Variants in PER1 observed in about 807,000 individuals in gnomAD.
The protein encoded by PER1 is period circadian protein homolog 1.
A neutral mutation model predicts 125.9 loss-of-function variants in PER1; 87 were observed. That is an observed-to-expected ratio of 0.69 (90% CI 0.58 to 0.83). PER1 has a LOEUF of 0.83. Ranked by LOEUF, PER1 falls within the 40% of genes least tolerant of loss-of-function variation. The pLI is 0.00. For missense variants in PER1, 1,775 were observed against 1,722.8 expected (o/e 1.03, Z -0.54); for synonymous variants, 801 against 714.7 (o/e 1.12, Z -1.93).
rs747482707 is a variant in PER1 at position 8,142,638 on chromosome 17, G to A, written c.3259+11C>T. On this transcript the variant is annotated intron_variant, in intron 20 of 22. Coordinates refer to ENST00000317276, the MANE Select transcript of PER1 (RefSeq NM_002616.3). ...CCCTACCCTGGGAGATGCTGGAGGC[G>A]GGGTACTCACGAGTGATGCTGGCTG... 1.2e-5 allele frequency: 19 copies of A among 1,612,840 alleles called. No individual in the cohort carries two copies. Among genetic ancestry groups the A allele is most frequent in the Middle Eastern group, 1.6e-4 (1 of 6,080 alleles).
Position 8,141,882 on chromosome 17 carries a change from C to T in PER1, c.3523G>A (p.Glu1175Lys). 6.2e-7 allele frequency: 1 copy of T among 1,614,192 alleles called. No individual in the cohort carries two copies. The highest frequency in any genetic ancestry group is 8.5e-7 in the Non-Finnish European group (1 of 1,180,036). The change falls in exon 22 of 23, where the codon GAG becomes AAG. Residue 1175 changes from glutamate (E) to lysine (K), a missense_variant. Transcript: ENST00000317276. ...GCACCCAGTTCCCGCCGCTGGTCCT[C>T]AGAAAACCGAGGCTGCTGCTTCTGC... ...AMQKQQPRFS[E>K]DQRRELGAVH...
intron 22 of PER1, 148 bp downstream of exon 22, chr17:8,141,657 G>A (rs1206057468): frequency 1.9e-6 from 2 of 1,040,740 alleles, no homozygotes; most frequent in Non-Finnish European, 1.4e-6. Flanking sequence ...AATGATCCAA[G>A]GACATCAAGG....
intron 19 of PER1, 67 bp downstream of exon 19, chr17:8,143,199 G>T: frequency 8.8e-7 from 1 of 1,133,772 alleles, no homozygotes; most frequent in Non-Finnish European, 1.2e-6. Flanking sequence ...ACAGCAGGCA[G>T]CACAGGGTGG....
rs766746927 is a variant in PER1, at chr17:8,147,655, G to A, written c.1388+19C>T. ...ACTGCCCTATCCCCAACGCCAGCTC[G>A]GGGGCATGGCCCACTTACGTGCGTA... On this transcript the variant is annotated intron_variant, in intron 11 of 22. Coordinates refer to ENST00000317276, the MANE Select transcript of PER1 (RefSeq NM_002616.3). 3.2e-5 allele frequency: 51 copies of A among 1,613,688 alleles called. No individual in the cohort carries two copies. The highest frequency in any genetic ancestry group is 1.6e-4 in the Middle Eastern group (1 of 6,082).
intron 1 of PER1, among the ~76,000 whole-genome samples, chr17:8,151,153 C>T (rs561493158): frequency 6.6e-6 from 1 of 152,374 alleles, no homozygotes; most frequent in African/African-American, 2.4e-5. Flanking sequence ...TAGGTGTCCA[C>T]TCTGCCTGGG....
intron 22 of PER1, 112 bp from the exon 23 acceptor site, chr17:8,141,452 G>T: frequency 7.9e-7 from 1 of 1,266,806 alleles, no homozygotes; most frequent in Non-Finnish European, 1.1e-6. Context: ...CTCCCAAGAA[G>T]CACCAGTCCA....
rs1982802459 is a variant in PER1, at chr17:8,150,644, A to G, written c.63T>C (p.Cys21=). The stretch of plus-strand genomic sequence containing the variant: ...GCCCAGGGGATGGGACGCCCCCAGG[A>G]CAAAATGATTCCCCAGGCCTGGGGT... ...GGDPRPGESF[C]PGGVPSPGPP... The change falls in exon 2 of 23, where the codon TGT becomes TGC. Residue 21 remains cysteine (C), a synonymous_variant. Coordinates refer to ENST00000317276, the MANE Select transcript of PER1 (RefSeq NM_002616.3). 1.9e-6 allele frequency: 3 copies of G among 1,608,304 alleles called. No homozygotes were observed. Among genetic ancestry groups the G allele is most frequent in the South Asian group, 1.1e-5 (1 of 90,692 alleles).
rs771121544 is a variant in PER1 at position 8,146,752 on chromosome 17, G to C, written c.1749C>G (p.Phe583Leu). 4 of 1,611,520 alleles carry C rather than the reference G, an allele frequency of 2.5e-6. No homozygotes were observed. Among genetic ancestry groups the C allele is most frequent in the African/African-American group, 2.7e-5 (2 of 74,696 alleles). ...SRPRLPATGT[F>L]KAKALPCQSP... is the part of the protein sequence containing the mutation. The stretch of plus-strand genomic sequence containing the variant: ...ATTGGCAGGGAAGGGCCTTGGCCTT[G>C]AACGTGCCTGTAGCTGGGGCAAAGA... The change falls in exon 15 of 23, where the codon TTC becomes TTG. Residue 583 changes from phenylalanine (F) to leucine (L), a missense_variant. Coordinates refer to ENST00000317276, the MANE Select transcript of PER1 (RefSeq NM_002616.3).
At position 8,143,579 on chromosome 17, in the gene PER1, G is replaced by A. The variant is rs1039502199; in HGVS notation, c.2759C>T (p.Ala920Val). 4 of 1,465,920 alleles carry A rather than the reference G, an allele frequency of 2.7e-6. No homozygotes were observed. The highest frequency in any genetic ancestry group is 1.4e-5 in the South Asian group (1 of 71,080). 90.8% of individuals were successfully genotyped at this position (1,465,920 alleles called of 1,614,324 possible). ...GAACAGATAGTTAGGGAGCACCAAG[G>A]CCACCATTGGGGTCACCAAAGGGGC... ...FPAPLVTPMV[A>V]LVLPNYLFPT... Residue 920 changes from alanine to valine, a missense_variant, in exon 19 of 23, where the codon GCC becomes GTC. Transcript: ENST00000317276.
chr17:8,149,368 G>A (rs1454109284), intron 6 of PER1, 58 bp from the exon 7 acceptor site: 2 of 1,606,886 alleles, frequency 1.2e-6, no homozygotes, highest in African/African-American at 2.7e-5. Flanking sequence ...AGGCTGCGAA[G>A]AATCCACTAA....
In PER1 at chr17:8,149,856, G is replaced by T. The variant is rs1161458918; in HGVS notation, c.550C>A (p.Gln184Lys). The T allele has an allele frequency of 1.9e-6, 3 of 1,614,144 alleles. 1 individual carries two copies. The highest frequency in any genetic ancestry group is 4.5e-5 in the East Asian group (2 of 44,890). ...QVQANQEYYQ[Q>K]WSLEEGEPCS... ...GGCTCGCCCTCCTCCAGGCTCCACT[G>T]CTGGTAGTATTCCTGGTTGGCTGCA... is the stretch of plus-strand genomic sequence containing the variant. Residue 184 changes from glutamine (Q) to lysine (K), a missense_variant, in exon 5 of 23, where the codon CAG becomes AAG. Gln to Lys is a moderately conservative substitution (Grantham distance 53, BLOSUM62 1). Coordinates refer to ENST00000317276, the MANE Select transcript of PER1 (RefSeq NM_002616.3).
rs1392382303 is a variant in PER1, at chr17:8,144,755, C to T, written c.2457G>A (p.Glu819=). The change falls in exon 18 of 23, where the codon GAG becomes GAA. Residue 819 remains glutamate (E), a synonymous_variant. Transcript: ENST00000317276. ...SSSTAPSALG[E]RGCHHGPAPP... ...CAGGAGGCCCCAGGTGGCTACCTCG[C>T]TCGCCAAGGGCTGAGGGAGCTGTGG... 3 of 1,567,942 alleles carry T rather than the reference C, an allele frequency of 1.9e-6. No individual in the cohort carries two copies. Among genetic ancestry groups the T allele is most frequent in the Non-Finnish European group, 2.6e-6 (3 of 1,158,238 alleles).
At chr17:8,149,349 C>T (rs760421355) in intron 6 of PER1, 39 bp from the exon 7 acceptor site, 1 of 1,611,272 alleles carries the variant, frequency 6.2e-7, no homozygotes, top group African/African-American at 1.3e-5. Context: ...AGCTTCCTGC[C>T]CCTTCCCTAG....
intron 18 of PER1, chr17:8,144,117 G>A (rs373307930): frequency 6.6e-4 from 355 of 539,936 alleles, no homozygotes; most frequent in African/African-American, 5.6e-3. Context: ...ACGAGGGGTC[G>A]AGCTGGGGGT....
chr17:8,147,937 A>G (rs1598254407), intron 10 of PER1, 60 bp downstream of exon 10: 2 of 1,582,142 alleles, frequency 1.3e-6, no homozygotes, highest in Non-Finnish European at 1.7e-6. Context: ...CACAACCACA[A>G]GGGCAGCCAC....
intron 7 of PER1, 76 bp downstream of exon 7, chr17:8,149,183 C>T: frequency 7.4e-7 from 1 of 1,349,454 alleles, no homozygotes; most frequent in Non-Finnish European, 1.0e-6. Context: ...AGTGAGACTC[C>T]CTTTCAAAAA....
At chr17:8,148,415 G>A (rs571661442) in intron 8 of PER1, among the ~76,000 whole-genome samples, 156 bp from the exon 9 acceptor site, 1 of 152,178 alleles carries the variant, frequency 6.6e-6, no homozygotes, top group Non-Finnish European at 1.5e-5. Flanking sequence ...CCTATGCCCT[G>A]TATCAGTAAC....
Position 8,141,288 on chromosome 17 carries a change from G to A in PER1, c.3653C>T (p.Pro1218Leu), listed in dbSNP as rs746956827. 6.2e-6 allele frequency: 10 copies of A among 1,613,758 alleles called. No individual in the cohort carries two copies. Among genetic ancestry groups the A allele is most frequent in the Non-Finnish European group, 8.5e-6 (10 of 1,179,912 alleles). The change falls in exon 23 of 23, where the codon CCA becomes CTA. Residue 1218 changes from proline (P) to leucine (L), a missense_variant. Physicochemically the swap from Pro to Leu is moderately conservative, Grantham distance 98 (BLOSUM62 -3). Transcript: ENST00000317276. ...CAGTCCATCCAGCTCTGAGAAGAGTGGGTCATCAGGGTGACCAGGATCTTG... is the reference window on the plus strand; with the variant it reads ...CAGTCCATCCAGCTCTGAGAAGAGTAGGTCATCAGGGTGACCAGGATCTTG... ...STQDPGHPDD[P>L]LFSELDGLGL... is the part of the protein sequence containing the mutation.
Position 8,149,456 on chromosome 17 carries a change from C to T in PER1, c.853+6G>A. 6.2e-7 allele frequency: 1 copy of T among 1,611,452 alleles called. No homozygotes were observed. Among genetic ancestry groups the T allele is most frequent in the South Asian group, 1.1e-5 (1 of 91,030 alleles). On this transcript the variant is annotated splice_donor_region_variant and intron_variant, in intron 6 of 22. Transcript: ENST00000317276. The stretch of plus-strand genomic sequence containing the variant: ...CATGCCTCCCCACAGCGCTTGGGCA[C>T]CTCACCTGCTGAGGCCCCTGTGCCC...
Sources: allele counts gnomAD v4.1 joint callset (sites outside exome capture counted in the v4.1 genomes callset), GRCh38; gene constraint gnomAD v4.1.1; transcripts MANE v1.5; gene names NCBI Gene and HGNC (gene_info 2026-07-23, HGNC 2026-07-21).